The following CATSPERE variants were observed in gnomAD, a reference collection of about 807,000 sequenced individuals.
The protein encoded by CATSPERE is cation channel sperm-associated auxiliary subunit epsilon.
In CATSPERE, 93 loss-of-function variants were observed where a neutral mutation model predicts 114.1. That is an observed-to-expected ratio of 0.81 (90% CI 0.69 to 0.97). The LOEUF (loss-of-function observed/expected upper bound fraction) is 0.97, where lower values mean the gene tolerates loss of function less well. Among genes scored for constraint, CATSPERE ranks in the 50% least tolerant of loss-of-function variants. The probability of loss-of-function intolerance (pLI) is 0.00; values close to 1 mark genes in which losing one functional copy is unlikely to be tolerated. For missense variants in CATSPERE, 1,058 were observed against 1,131.6 expected (o/e 0.93, Z 0.93); for synonymous variants, 341 against 384.1 (o/e 0.89, Z 1.31).
rs1395646155 is a variant in CATSPERE at position 244,506,562 on chromosome 1, GTT to G, written c.429+7486_429+7487del. On this transcript the variant is annotated intron_variant, in intron 7 of 21. Coordinates refer to ENST00000366534, the MANE Select transcript of CATSPERE (RefSeq NM_001130957.2). ...CTACAGCCTCACTAACACTTGTTTT[GTT>G]TTGTCTTTGGAGGAGGGAGTTTTAT... Among the ~76,000 whole-genome samples the G allele has an allele frequency of 2.6e-5, 4 of 152,146 alleles. No individual in the cohort carries two copies. In the East Asian group the frequency reaches 7.7e-4, roughly 29 times the overall value.
chr1:244,615,239 CAAAAA>C (rs568497256), intron 19 of CATSPERE, among the ~76,000 whole-genome samples: 6 of 69,266 alleles, frequency 8.7e-5, no homozygotes, highest in Non-Finnish European at 1.0e-4. Context: ...TTGGGCAGAC[CAAAAA>C]AAAAAAAAAA....
At chr1:244,500,359 T>C (rs1673841139) in intron 7 of CATSPERE, among the ~76,000 whole-genome samples, 1 of 152,240 alleles carries the variant, frequency 6.6e-6, no homozygotes, top group South Asian at 2.1e-4. Flanking sequence ...TTAGATCCCA[T>C]TTGTCAATTT....
chr1:244,467,475 A>G (rs540235484), intron 2 of CATSPERE, among the ~76,000 whole-genome samples: 1 of 152,336 alleles, frequency 6.6e-6, no homozygotes, highest in Non-Finnish European at 1.5e-5. Flanking sequence ...AAGGGGTGGT[A>G]AGAATGTAAA....
chr1:244,494,999 A>T (rs1350071812), intron 6 of CATSPERE, among the ~76,000 whole-genome samples: 2 of 152,206 alleles, frequency 1.3e-5, no homozygotes, highest in Non-Finnish European at 2.9e-5. Flanking sequence ...GAACTTACAG[A>T]AGTAGAATAT....
chr1:244,541,410 TCAC>T (rs1658708945), intron 8 of CATSPERE, among the ~76,000 whole-genome samples: 1 of 150,420 alleles, frequency 6.6e-6, no homozygotes, highest in Admixed American at 6.6e-5. Context: ...GAAAAAATGC[TCAC>T]CATCACTGGC....
At chr1:244,469,991 C>T (rs1668214172) in intron 2 of CATSPERE, among the ~76,000 whole-genome samples, 1 of 151,668 alleles carries the variant, frequency 6.6e-6, no homozygotes, top group Non-Finnish European at 1.5e-5. Context: ...AACTAGATAC[C>T]TACATGAAAA....
chr1:244,634,271 T>C (rs1674345795), intron 20 of CATSPERE, among the ~76,000 whole-genome samples: 1 of 152,188 alleles, frequency 6.6e-6, no homozygotes, highest in South Asian at 2.1e-4. Context: ...AATCCCAGTT[T>C]TGCCACTACT....
At chr1:244,518,785 C>A (rs1023976616) in intron 8 of CATSPERE, 87 bp downstream of exon 8, 1 of 667,776 alleles carries the variant, frequency 1.5e-6, no homozygotes, top group South Asian at 2.4e-5. Flanking sequence ...TGAAATGTGT[C>A]TTATATGTTA....
chr1:244,560,835 C>A lies in CATSPERE; in HGVS notation c.1197C>A (p.His399Gln), dbSNP rs1479090060. Residue 399 changes from histidine (H) to glutamine (Q), a missense_variant, in exon 10 of 22, where the codon CAC (histidine) becomes CAA (glutamine). Physicochemically the swap from His to Gln is conservative, Grantham distance 24. This residue lies in a region of CATSPERE where 787 missense variants were observed against 905.6 expected (regional missense o/e 0.87). Transcript: ENST00000366534. ...TAGACAGGGTTGAGTATACAGGACACCCTCTGGAGATTGCTGTGTTTTTAA... is the reference window on the plus strand; with the variant it reads ...TAGACAGGGTTGAGTATACAGGACAACCTCTGGAGATTGCTGTGTTTTTAA... ...LTIDRVEYTG[H>Q]PLEIAVFLNY... 1 of 1,613,926 alleles carries A rather than the reference C, an allele frequency of 6.2e-7. No homozygotes were observed. The highest frequency in any genetic ancestry group is 2.2e-5 in the East Asian group (1 of 44,868).
intron 7 of CATSPERE, among the ~76,000 whole-genome samples, chr1:244,506,653 A>G (rs1674866355): frequency 1.3e-5 from 2 of 152,138 alleles, no homozygotes; most frequent in South Asian, 4.1e-4. Context: ...GATTGTGTAT[A>G]GATTATTTTG....
chr1:244,557,569 A>T (rs1206675689), intron 9 of CATSPERE, among the ~76,000 whole-genome samples: 1 of 87,862 alleles, frequency 1.1e-5, no homozygotes, highest in Non-Finnish European at 2.4e-5. Context: ...ATATATATAT[A>T]TATATATATA....
In CATSPERE at chr1:244,568,509, G is replaced by A. The variant is rs1192083683; in HGVS notation, c.1508-3821G>A. 1.3e-5 allele frequency among the ~76,000 whole-genome samples: 2 copies of A among 152,226 alleles called. No individual in the cohort carries two copies. The highest frequency in any genetic ancestry group is 2.9e-5 in the Non-Finnish European group (2 of 68,032). Reference sequence around the variant, plus strand: ...GTTTTATCTATAAGCCCCTGAGTGGGGCTGCTGCCTTTCTTTCAGAGATGC... The same window carrying A: ...GTTTTATCTATAAGCCCCTGAGTGGAGCTGCTGCCTTTCTTTCAGAGATGC... On this transcript the variant is annotated intron_variant, in intron 10 of 21. Transcript: ENST00000366534. This position sits in a 1 kb window ranked among gnomAD's most constrained non-coding sequence, Gnocchi z 4.4.
chr1:244,506,538 T>C (rs1348760859), intron 7 of CATSPERE, among the ~76,000 whole-genome samples: 3 of 152,228 alleles, frequency 2.0e-5, no homozygotes, highest in African/African-American at 4.8e-5. Context: ...CCAATTCCTC[T>C]ACAGCCTCAC....
At chr1:244,593,313 C>T (rs1304233841) in intron 15 of CATSPERE, 82 bp from the exon 16 acceptor site, 1 of 1,416,912 alleles carries the variant, frequency 7.1e-7, no homozygotes, top group Non-Finnish European at 9.9e-7. Flanking sequence ...TTTGTGATAC[C>T]TCCTTACCTA....
intron 8 of CATSPERE, among the ~76,000 whole-genome samples, chr1:244,550,508 T>C (rs960739808): frequency 5.3e-5 from 8 of 152,194 alleles, no homozygotes; most frequent in Admixed American, 2.6e-4. Context: ...CAATTGTCCA[T>C]TCAAACAAAA....
At chr1:244,531,555 A>G (rs1679600710) in intron 8 of CATSPERE, among the ~76,000 whole-genome samples, 1 of 151,572 alleles carries the variant, frequency 6.6e-6, no homozygotes, top group Non-Finnish European at 1.5e-5. Flanking sequence ...GTTGAATTTT[A>G]TCAAATGCTT....
rs1266362521 is a variant in CATSPERE, at chr1:244,617,555, T to C, written c.2517T>C (p.Ala839=). ...ACTATAAACACTGTTTTTCTTATGC[T>C]ATTGGAAAACCAGGAGACTTAAATC... ...PENYKHCFSY[A]IGKPGDLNQP... The change falls in exon 20 of 22, where the codon GCT becomes GCC. Residue 839 remains alanine (A), a synonymous_variant. Transcript: ENST00000366534. The C allele has an allele frequency of 3.9e-6, 6 of 1,528,700 alleles. No individual in the cohort carries two copies. In the Admixed American group the frequency reaches 1.4e-4, roughly 34 times the overall value. 94.7% of individuals were successfully genotyped at this position (1,528,700 alleles called of 1,614,324 possible). A position where few individuals can be genotyped will look rare whatever the true frequency, so the allele number is the denominator to read the frequency against.
chr1:244,488,364 G>GT (rs1169768300), intron 5 of CATSPERE, among the ~76,000 whole-genome samples: 4 of 152,016 alleles, frequency 2.6e-5, no homozygotes, highest in African/African-American at 7.3e-5. Context: ...TTCCATAATG[G>GT]TTTTTTCCCA....
rs10695652 is a variant in CATSPERE at position 244,578,823 on chromosome 1, CATAT to C, written c.1951-2955_1951-2952del. 5.2e-3 allele frequency among the ~76,000 whole-genome samples: 693 copies of C among 132,996 alleles called. 11 individuals are homozygous for C. The highest frequency in any genetic ancestry group is 0.017 in the African/African-American group (601 of 35,784). 87.3% of individuals were successfully genotyped at this position (132,996 alleles called of 152,430 possible). A position where few individuals can be genotyped will look rare whatever the true frequency, so the allele number is the denominator to read the frequency against. On this transcript the variant is annotated intron_variant, in intron 11 of 21. Coordinates refer to ENST00000366534, the MANE Select transcript of CATSPERE (RefSeq NM_001130957.2). The stretch of plus-strand genomic sequence containing the variant: ...CAGGTTATATATATAGGTGCATATA[CATAT>C]ATATATATATATATATACACACACA...
Sources: gnomAD v4.1 joint callset for allele counts (sites outside exome capture counted in the v4.1 genomes callset) on GRCh38, gnomAD v4.1.1 for gene constraint, gnomAD v4.1.1 regional missense constraint, Gnocchi (gnomAD v3.1) non-coding constraint, MANE v1.5 for transcripts, NCBI Gene and HGNC (gene_info 2026-07-23, HGNC 2026-07-21) for gene names.